Variants in ZNF385D observed in about 807,000 individuals in gnomAD.
ZNF385D encodes zinc finger protein 659.
In ZNF385D, 15 loss-of-function variants were observed where a neutral mutation model predicts 35.8. The ratio of observed to expected loss-of-function variants is 0.42; its 90% CI spans 0.28 to 0.64. The LOEUF (loss-of-function observed/expected upper bound fraction) is 0.64, where lower values mean the gene tolerates loss of function less well. Among genes scored for constraint, ZNF385D ranks in the 30% least tolerant of loss-of-function variants. The probability of loss-of-function intolerance (pLI) is 0.23; values close to 1 mark genes in which losing one functional copy is unlikely to be tolerated. For missense variants in ZNF385D, 474 were observed against 494.6 expected, an observed-to-expected ratio of 0.96 and a Z score of 0.39; for synonymous variants, 212 against 186.8, an observed-to-expected ratio of 1.13 and a Z score of -1.10.
At chr3:21,721,681 A>G (rs2068547145) in intron 1 of ZNF385D, among the ~76,000 whole-genome samples, 1 of 152,212 alleles carries the variant, frequency 6.6e-6, no homozygotes, top group African/African-American at 2.4e-5. Context: ...GAAATGCTAT[A>G]CTTTATGGAA....
intron 2 of ZNF385D, among the ~76,000 whole-genome samples, chr3:22,177,359 A>G (rs1021746296): frequency 2.6e-5 from 4 of 152,238 alleles, no homozygotes; most frequent in African/African-American, 9.6e-5. Context: ...GACCTGAGTT[A>G]GAGAATGATT....
At chr3:22,142,030 T>G (rs1173618643) in intron 3 of ZNF385D, among the ~76,000 whole-genome samples, 1 of 152,190 alleles carries the variant, frequency 6.6e-6, no homozygotes, top group Non-Finnish European at 1.5e-5. Context: ...GAAAGCATCA[T>G]CAGGTTGACA....
chr3:21,971,860 CAAAG>C (rs1167341309), intron 3 of ZNF385D, among the ~76,000 whole-genome samples: 1 of 151,618 alleles, frequency 6.6e-6, no homozygotes, highest in African/African-American at 2.4e-5. Context: ...AACTATGAGA[CAAAG>C]AAGGTCACTA....
intron 3 of ZNF385D, among the ~76,000 whole-genome samples, chr3:21,997,493 TATA>T (rs775419845): frequency 1.5e-4 from 23 of 151,400 alleles, no homozygotes; most frequent in Middle Eastern, 6.8e-3. Context: ...GAACTTAAAG[TATA>T]ATAATAATAA....
At chr3:22,222,305 C>A (rs537345233) in intron 2 of ZNF385D, among the ~76,000 whole-genome samples, 10 of 151,934 alleles carry the variant, frequency 6.6e-5, no homozygotes, top group South Asian at 6.2e-4. Flanking sequence ...AACACATAGT[C>A]TTCACCACCC....
upstream of ZNF385D, chr3:21,751,382 G>GATA: frequency 9.8e-7 from 1 of 1,021,356 alleles, no homozygotes; most frequent in South Asian, 3.8e-5. Context: ...CTCTCTTAAA[G>GATA]CGAGAAGAGT....
chr3:22,238,574 T>C (rs1456150594), intron 2 of ZNF385D, among the ~76,000 whole-genome samples: 1 of 151,112 alleles, frequency 6.6e-6, no homozygotes, highest in Non-Finnish European at 1.5e-5. Context: ...AATGGAACTT[T>C]ATTTTCAAAT....
intron 3 of ZNF385D, among the ~76,000 whole-genome samples, chr3:22,121,722 C>G (rs540139823): frequency 6.7e-6 from 1 of 150,254 alleles, no homozygotes; most frequent in African/African-American, 2.4e-5. Context: ...TGGGTAAACA[C>G]AATCCCCTGT....
chr3:21,738,077 C>G (rs1215634620), intron 1 of ZNF385D, among the ~76,000 whole-genome samples: 1 of 152,240 alleles, frequency 6.6e-6, no homozygotes, highest in African/African-American at 2.4e-5. Flanking sequence ...TGGAGTCTTT[C>G]CCTGATCTCA....
At chr3:22,109,863 T>A (rs1299241257) in intron 3 of ZNF385D, among the ~76,000 whole-genome samples, 1 of 151,742 alleles carries the variant, frequency 6.6e-6, no homozygotes, top group Non-Finnish European at 1.5e-5. Context: ...GGGAGAAAAA[T>A]TTTTGCAATC....
intron 3 of ZNF385D, among the ~76,000 whole-genome samples, chr3:22,045,186 A>C (rs958782942): frequency 6.6e-6 from 1 of 151,978 alleles, no homozygotes; most frequent in Non-Finnish European, 1.5e-5. Context: ...TGCCCAAACC[A>C]ATATCATGGG....
intron 2 of ZNF385D, among the ~76,000 whole-genome samples, chr3:21,662,886 A>G (rs1364930487): frequency 6.6e-6 from 1 of 152,238 alleles, no homozygotes; most frequent in Non-Finnish European, 1.5e-5. Flanking sequence ...TATCACTTAA[A>G]TAGTGCTTGT....
At position 22,310,847 on chromosome 3, in the gene ZNF385D, ACT is replaced by A. The variant is rs1312663636; in HGVS notation, c.106+61601_106+61602del. ...AATTTTATCCACTCATTTTTAATTA[ACT>A]TTTTTGATTTGTAAGTACAATTTTA... On this transcript the variant is annotated intron_variant, in intron 2 of 5. Transcript: ENST00000494108. 2.6e-5 allele frequency among the ~76,000 whole-genome samples: 4 copies of A among 151,864 alleles called. No individual in the cohort carries two copies. In the East Asian group the frequency reaches 7.7e-4, roughly 29 times the overall value.
intron 2 of ZNF385D, among the ~76,000 whole-genome samples, chr3:22,254,565 C>A (rs900677068): frequency 6.6e-6 from 1 of 151,688 alleles, no homozygotes; most frequent in Non-Finnish European, 1.5e-5. Flanking sequence ...TACAGTAGTA[C>A]CCCCTTATCT....
chr3:21,927,008 G>C (rs1260930809), intron 3 of ZNF385D, among the ~76,000 whole-genome samples: 1 of 152,038 alleles, frequency 6.6e-6, no homozygotes, highest in Non-Finnish European at 1.5e-5. Flanking sequence ...GAGGTGTTTG[G>C]GTAATGAGGA....
intron 3 of ZNF385D, among the ~76,000 whole-genome samples, chr3:21,883,144 A>T (rs1368754921): frequency 6.6e-6 from 1 of 151,936 alleles, no homozygotes; most frequent in Non-Finnish European, 1.5e-5. Flanking sequence ...TAAGACTATT[A>T]TCTATTTTGT....
At chr3:22,319,850 A>AT (rs994793047) in intron 2 of ZNF385D, among the ~76,000 whole-genome samples, 102 of 151,810 alleles carry the variant, frequency 6.7e-4, no homozygotes, top group African/African-American at 2.3e-3. Flanking sequence ...ACTTCTGAAA[A>AT]TTTTTTTTTA....
intron 3 of ZNF385D, among the ~76,000 whole-genome samples, chr3:21,988,712 T>G (rs10470649): frequency 5.5e-4 from 83 of 151,068 alleles, no homozygotes; most frequent in African/African-American, 1.7e-3. Flanking sequence ...TGGAGCTTCC[T>G]GGCTGCTTTG....
chr3:21,849,211 G>A (rs1696212138), intron 3 of ZNF385D, among the ~76,000 whole-genome samples: 1 of 151,944 alleles, frequency 6.6e-6, no homozygotes, highest in Admixed American at 6.6e-5. Flanking sequence ...TAACATCAAA[G>A]TAAATTTTTT....
Sources: allele counts gnomAD v4.1 joint callset (sites outside exome capture counted in the v4.1 genomes callset), GRCh38; gene constraint gnomAD v4.1.1; transcripts MANE v1.5; gene names NCBI Gene and HGNC (gene_info 2026-07-23, HGNC 2026-07-21).